Variants in NDE1 observed in about 807,000 individuals in gnomAD.
NDE1 encodes nuclear distribution protein nudE homolog 1.
NDE1 carries 28 observed loss-of-function variants against 43.4 expected under a neutral mutation model. The ratio of observed to expected loss-of-function variants is 0.65; its 90% CI spans 0.48 to 0.89. The LOEUF is 0.89. NDE1 is among the 40% of genes least tolerant of loss of function. NDE1 has a pLI of 0.00. For missense variants in NDE1, 441 were observed against 434.1 expected (o/e 1.02, Z -0.14); for synonymous variants, 184 against 172.0 (o/e 1.07, Z -0.55).
At chr16:15,699,855 G>A (rs1317170804) in intron 8 of NDE1, 11 of 1,338,034 alleles carry the variant, frequency 8.2e-6, no homozygotes, top group Non-Finnish European at 1.1e-5. Flanking sequence ...CTTGGTGTTG[G>A]TGCGGAAGTC....
chr16:15,652,077 C>G (rs1017172937), intron 1 of NDE1: 2 of 150,846 alleles, frequency 1.3e-5, no homozygotes, highest in Non-Finnish European at 3.0e-5. Context: ...CCGGCTAATT[C>G]TTAGTAGAGA....
At chr16:15,721,278 C>CT (rs2040464073) in intron 8 of NDE1, 2 of 1,062,228 alleles carry the variant, frequency 1.9e-6, no homozygotes, top group Non-Finnish European at 2.8e-6. Flanking sequence ...CTCCCAGCCC[C>CT]TGCACCAGTC....
intron 8 of NDE1, chr16:15,718,118 G>T: frequency 1.2e-6 from 1 of 806,940 alleles, no homozygotes; most frequent in Non-Finnish European, 2.0e-6. Flanking sequence ...CTGCAGCGTG[G>T]AGAGGAGTAT....
At chr16:15,672,905 A>G (rs977567953) in intron 3 of NDE1, 1 of 152,266 alleles carries the variant, frequency 6.6e-6, no homozygotes, top group Non-Finnish European at 1.5e-5. Context: ...GCTTACAGCC[A>G]GGAAATGGGG....
intron 3 of NDE1, among the ~76,000 whole-genome samples, chr16:15,677,446 A>G (rs936579159): frequency 6.6e-6 from 1 of 151,822 alleles, no homozygotes; most frequent in Non-Finnish European, 1.5e-5. Flanking sequence ...ATTAGCCACT[A>G]TTGTTGGTGG....
intron 2 of NDE1, among the ~76,000 whole-genome samples, chr16:15,665,515 G>T (rs1003978347): frequency 2.0e-5 from 3 of 151,848 alleles, no homozygotes; most frequent in Admixed American, 1.3e-4. Context: ...TGCCATCTTG[G>T]CTCACTGCAG....
intron 3 of NDE1, among the ~76,000 whole-genome samples, chr16:15,674,234 TTCTG>T (rs777036283): frequency 1.3e-5 from 2 of 152,058 alleles, no homozygotes; most frequent in Non-Finnish European, 2.9e-5. Flanking sequence ...TCTCCCTCCC[TTCTG>T]TCTTAGTTTT....
chr16:15,647,564 G>A (rs191586361), upstream of NDE1, among the ~76,000 whole-genome samples: 6 of 152,230 alleles, frequency 3.9e-5, no homozygotes, highest in African/African-American at 7.2e-5. Context: ...CTCCCAGCCC[G>A]TTGTATCAAA....
At position 15,687,374 on chromosome 16, in the gene NDE1, G is replaced by A; in HGVS notation, c.387-1G>A. 6.2e-7 allele frequency: 1 copy of A among 1,614,166 alleles called. No individual in the cohort carries two copies. Among genetic ancestry groups the A allele is most frequent in the Non-Finnish European group, 8.5e-7 (1 of 1,180,016 alleles). On this transcript the variant is annotated splice_acceptor_variant, in intron 4 of 8. Coordinates refer to ENST00000396354, the MANE Select transcript of NDE1 (RefSeq NM_017668.3). LOFTEE classifies it high-confidence loss of function. ...GATAACTCTGCTTTTCTCTTCGCCA[G>A]CGCCACGATCATGTCTCTCGAAGAC...
rs753575083 is a variant in NDE1, at chr16:15,724,704, G to T, written c.*453G>T. On this transcript the variant is annotated 3_prime_UTR_variant, in exon 9 of 9. Coordinates refer to ENST00000396354, the MANE Select transcript of NDE1 (RefSeq NM_017668.3). ...GGTTCTGCTTGGCCTCCATCTCCTC[G>T]TCCAGCTGGTCTTGCAGGCTGTTCC... 17 of 1,614,192 alleles carry T rather than the reference G, an allele frequency of 1.1e-5. No individual in the cohort carries two copies. The highest frequency in any genetic ancestry group is 1.4e-5 in the Non-Finnish European group (17 of 1,180,026).
chr16:15,720,957 G>A lies in NDE1; in HGVS notation c.948-3234G>A, dbSNP rs111854563. 1,368 of 1,613,960 alleles carry A rather than the reference G, an allele frequency of 8.5e-4. 3 individuals are homozygous for A. The highest frequency in any genetic ancestry group is 1.0e-3 in the Non-Finnish European group (1,207 of 1,180,002). On this transcript the variant is annotated intron_variant, in intron 8 of 8. Transcript: ENST00000396354. ...TTCCAGCCGCAGTTTGGCGTCCTCCGTGGCTTGCAGCTCGTCCTCCAGCTC... is the reference window on the plus strand; with the variant it reads ...TTCCAGCCGCAGTTTGGCGTCCTCCATGGCTTGCAGCTCGTCCTCCAGCTC...
chr16:15,677,779 C>G (rs1350195278), intron 3 of NDE1, 22 bp from the exon 4 acceptor site: 1 of 1,613,814 alleles, frequency 6.2e-7, no homozygotes, highest in African/African-American at 1.3e-5. Context: ...GTCATTCACT[C>G]AGTGTCTGTG....
At chr16:15,697,071 C>A (rs2039050990) in intron 8 of NDE1, 1 of 1,479,614 alleles carries the variant, frequency 6.8e-7, no homozygotes. Context: ...TTTTGTGAGA[C>A]AGGGTCTCAC....
chr16:15,675,138 G>A (rs2037801446), intron 3 of NDE1, among the ~76,000 whole-genome samples: 1 of 151,994 alleles, frequency 6.6e-6, no homozygotes, highest in Non-Finnish European at 1.5e-5. Context: ...GGGGCAGGAG[G>A]TGGGAGGCAC....
In NDE1 at chr16:15,724,508, T is replaced by A. The variant is rs1481575365; in HGVS notation, c.*257T>A. 6.2e-6 allele frequency: 10 copies of A among 1,607,416 alleles called. No individual in the cohort carries two copies. Among genetic ancestry groups the A allele is most frequent in the Non-Finnish European group, 7.6e-6 (9 of 1,177,294 alleles). ...GAGAAGCGAAGACCATGTCTCCTCG[T>A]TGGAGAAACCCAATAGCAGGGGAAG... On this transcript the variant is annotated 3_prime_UTR_variant, in exon 9 of 9. Transcript: ENST00000396354.
At chr16:15,701,018 C>G (rs1428031736) in intron 8 of NDE1, among the ~76,000 whole-genome samples, 1 of 151,932 alleles carries the variant, frequency 6.6e-6, no homozygotes, top group Non-Finnish European at 1.5e-5. Flanking sequence ...GGTGGATTAC[C>G]TGAGGTCAGG....
At chr16:15,704,946 T>C (rs1283065994) in intron 8 of NDE1, among the ~76,000 whole-genome samples, 1 of 152,184 alleles carries the variant, frequency 6.6e-6, no homozygotes, top group Non-Finnish European at 1.5e-5. Context: ...CCCAAAGCGC[T>C]GGCATTACAG....
chr16:15,673,178 A>T (rs1333133397), intron 3 of NDE1, among the ~76,000 whole-genome samples: 4 of 151,628 alleles, frequency 2.6e-5, no homozygotes, highest in South Asian at 4.2e-4. Context: ...GTTTTCTCTT[A>T]TGTTTGTAGA....
At chr16:15,668,046 C>G (rs1245106069) in intron 3 of NDE1, among the ~76,000 whole-genome samples, 1 of 151,672 alleles carries the variant, frequency 6.6e-6, no homozygotes, top group Non-Finnish European at 1.5e-5. Flanking sequence ...CTCACTGCAC[C>G]CTGGACGTCT....
Sources: allele counts gnomAD v4.1 joint callset (sites outside exome capture counted in the v4.1 genomes callset), GRCh38; gene constraint gnomAD v4.1.1; transcripts MANE v1.5; gene names NCBI Gene and HGNC (gene_info 2026-07-23, HGNC 2026-07-21).